Variants in TBK1 observed in about 807,000 individuals in gnomAD.
TBK1 encodes serine/threonine-protein kinase TBK1.
In TBK1, 37 loss-of-function variants were observed where a neutral mutation model predicts 99.9. That is an observed-to-expected ratio of 0.37 (90% CI 0.28 to 0.49). TBK1 has a LOEUF of 0.49. Among genes scored for constraint, TBK1 ranks in the 20% least tolerant of loss-of-function variants. The probability of loss-of-function intolerance (pLI) is 0.98; values close to 1 mark genes in which losing one functional copy is unlikely to be tolerated. For synonymous variants in TBK1, 258 were observed against 279.8 expected (o/e 0.92, Z 0.78); for missense variants, 644 against 872.5 (o/e 0.74, Z 3.30).
intron 3 of TBK1, 85 bp from the exon 4 acceptor site, chr12:64,464,249 C>T (rs2040579532): frequency 1.8e-6 from 2 of 1,138,108 alleles, no homozygotes; most frequent in Admixed American, 2.7e-5. Context: ...GCAAATCCTA[C>T]ATTTAAATGA....
intron 1 of TBK1, among the ~76,000 whole-genome samples, chr12:64,453,280 T>G (rs2040447765): frequency 6.6e-6 from 1 of 152,232 alleles, no homozygotes; most frequent in African/African-American, 2.4e-5. Context: ...ATATCTTAGC[T>G]GATAAATATT....
chr12:64,456,107 G>C (rs777446174), intron 2 of TBK1, 150 bp downstream of exon 2: 43 of 640,892 alleles, frequency 6.7e-5, no homozygotes, highest in Non-Finnish European at 3.0e-5. Context: ...TTAAGGCATA[G>C]CTGTGTCAGG....
At position 64,497,621 on chromosome 12, in the gene TBK1, CTTTTTTTTTT is replaced by C. The variant is rs71092972; in HGVS notation, c.1960-20_1960-11del. ...TCTGTGATTAATGTGGGGTTTTTTTCTTTTTTTTTTTTTTTTGATGTTTCAGTTACAAGAA... is the reference window on the plus strand; with the variant it reads ...TCTGTGATTAATGTGGGGTTTTTTTCTTTTTTGATGTTTCAGTTACAAGAA... On this transcript the variant is annotated splice_polypyrimidine_tract_variant and intron_variant, in intron 18 of 20. Coordinates refer to ENST00000331710, the MANE Select transcript of TBK1 (RefSeq NM_013254.4). 1 of 962,992 alleles carries C rather than the reference CTTTTTTTTTT, an allele frequency of 1.0e-6. No homozygotes were observed. The highest frequency in any genetic ancestry group is 3.1e-5 in the Admixed American group (1 of 32,310). The allele number at this position is 962,992 out of a possible 1,614,324, so 59.7% of individuals were successfully genotyped here. A position where few individuals can be genotyped will look rare whatever the true frequency, so the allele number is the denominator to read the frequency against.
At chr12:64,484,063 A>T in intron 8 of TBK1, 1 of 296,180 alleles carries the variant, frequency 3.4e-6, no homozygotes, top group South Asian at 6.7e-5. Context: ...GAAAGAAAAT[A>T]TTAAGAATCC....
intron 5 of TBK1, among the ~76,000 whole-genome samples, chr12:64,473,397 G>C (rs1484304608): frequency 6.6e-6 from 1 of 152,204 alleles, no homozygotes; most frequent in African/African-American, 2.4e-5. Flanking sequence ...ATTGTTGAAA[G>C]GAGTTTTGTG....
At position 64,455,879 on chromosome 12, in the gene TBK1, C is replaced by T. The variant is rs115692983; in HGVS notation, c.9C>T (p.Ser3=). ...TGCCTGATCCAGCCAAGATGCAGAGCACTTCTAATCATCTGTGGCTTTTAT... is the reference window on the plus strand; with the variant it reads ...TGCCTGATCCAGCCAAGATGCAGAGTACTTCTAATCATCTGTGGCTTTTAT... MQ[S]TSNHLWLLSD... Residue 3 remains serine, a synonymous_variant, in exon 2 of 21, where the codon AGC becomes AGT. Coordinates refer to ENST00000331710, the MANE Select transcript of TBK1 (RefSeq NM_013254.4). The T allele has an allele frequency of 4.2e-4, 681 of 1,610,436 alleles. 1 individual carries two copies. In the African/African-American group the frequency reaches 8.2e-3, roughly 19 times the overall value.
rs2040752534 is a variant in TBK1 at position 64,480,005 on chromosome 12, T to G, written c.702-7T>G. 1 of 1,601,322 alleles carries G rather than the reference T, an allele frequency of 6.2e-7. No individual in the cohort carries two copies. The highest frequency in any genetic ancestry group is 1.1e-5 in the South Asian group (1 of 90,084). ...GCTTATTTTATTCTGCTTTTGTTCC[T>G]CCCAAGGTATAAAATAATTACAGGA... On this transcript the variant is annotated splice_region_variant and splice_polypyrimidine_tract_variant and intron_variant, in intron 6 of 20. Transcript: ENST00000331710.
chr12:64,474,203 A>AT lies in TBK1; in HGVS notation c.541-20dup, dbSNP rs564897449. 266 of 1,585,646 alleles carry AT rather than the reference A, an allele frequency of 1.7e-4. 1 individual carries two copies. Among genetic ancestry groups the AT allele is most frequent in the Middle Eastern group, 3.4e-4 (2 of 5,878 alleles). ...TAATGAAATGGGTCACAGGTTCATG[A>AT]TTTTTTTCTTTTTTTTTTAATCTTA... On this transcript the variant is annotated intron_variant, in intron 5 of 20. Transcript: ENST00000331710.
At chr12:64,486,122 TA>T in intron 11 of TBK1, 105 bp downstream of exon 11, 2 of 674,526 alleles carry the variant, frequency 3.0e-6, no homozygotes, top group Non-Finnish European at 4.8e-6. Flanking sequence ...TGATTTTTAT[TA>T]TAATACATTT....
chr12:64,480,194 A>T, intron 7 of TBK1, 72 bp downstream of exon 7: 1 of 946,224 alleles, frequency 1.1e-6, no homozygotes, highest in Non-Finnish European at 1.6e-6. Context: ...AGAACCACAG[A>T]TACTCAAATA....
At chr12:64,469,413 T>A (rs2040639397) in intron 5 of TBK1, among the ~76,000 whole-genome samples, 1 of 152,154 alleles carries the variant, frequency 6.6e-6, no homozygotes, top group South Asian at 2.1e-4. Flanking sequence ...GTGCTTTTGC[T>A]ATTATCCTTT....
intron 3 of TBK1, among the ~76,000 whole-genome samples, chr12:64,464,087 C>G (rs1486964407): frequency 6.6e-6 from 1 of 152,136 alleles, no homozygotes; most frequent in Non-Finnish European, 1.5e-5. Flanking sequence ...TAGTCTCAAT[C>G]TCTTGACCTC....
At chr12:64,484,956 T>C (rs2040804045) in intron 9 of TBK1, among the ~76,000 whole-genome samples, 1 of 152,218 alleles carries the variant, frequency 6.6e-6, no homozygotes, top group Admixed American at 6.5e-5. Flanking sequence ...TAAAATCGTT[T>C]GTCATACGTT....
At chr12:64,475,237 A>G (rs1045616424) in intron 6 of TBK1, among the ~76,000 whole-genome samples, 2 of 152,234 alleles carry the variant, frequency 1.3e-5, no homozygotes, top group Non-Finnish European at 2.9e-5. Flanking sequence ...AGTATAATGT[A>G]TACACATTTA....
chr12:64,471,654 T>C (rs1279134774), intron 5 of TBK1, among the ~76,000 whole-genome samples: 1 of 152,126 alleles, frequency 6.6e-6, no homozygotes, highest in East Asian at 1.9e-4. Flanking sequence ...ACACCCTGTC[T>C]CTTCTACTGT....
intron 20 of TBK1, among the ~76,000 whole-genome samples, 192 bp from the exon 21 acceptor site, chr12:64,501,138 A>G (rs1461631181): frequency 6.6e-6 from 1 of 152,132 alleles, no homozygotes; most frequent in Non-Finnish European, 1.5e-5. Flanking sequence ...TAATTACATC[A>G]TTACATCGGT....
chr12:64,479,074 T>G (rs1016696463), intron 6 of TBK1, among the ~76,000 whole-genome samples: 2 of 152,236 alleles, frequency 1.3e-5, no homozygotes, highest in African/African-American at 2.4e-5. Flanking sequence ...CAGAGGTGAT[T>G]GAAGTACTCA....
chr12:64,476,456 C>T (rs1427656788), intron 6 of TBK1, among the ~76,000 whole-genome samples: 9 of 152,182 alleles, frequency 5.9e-5, no homozygotes, highest in South Asian at 4.1e-4. Flanking sequence ...CCACACCCGG[C>T]GCATAGTCTT....
rs564897449 is a variant in TBK1 at position 64,474,203 on chromosome 12, AT to A, written c.541-20del. On this transcript the variant is annotated intron_variant, in intron 5 of 20. Coordinates refer to ENST00000331710, the MANE Select transcript of TBK1 (RefSeq NM_013254.4). ...TAATGAAATGGGTCACAGGTTCATG[AT>A]TTTTTTCTTTTTTTTTTAATCTTAG... 16 of 1,585,654 alleles carry A rather than the reference AT, an allele frequency of 1.0e-5. No homozygotes were observed. In the East Asian group the frequency reaches 2.7e-4, roughly 27 times the overall value.
Sources: gnomAD v4.1 joint callset for allele counts (sites outside exome capture counted in the v4.1 genomes callset) on GRCh38, gnomAD v4.1.1 for gene constraint, MANE v1.5 for transcripts, NCBI Gene and HGNC (gene_info 2026-07-23, HGNC 2026-07-21) for gene names.